FDX1: variants seen among roughly 807,000 people sequenced by gnomAD.
The protein encoded by FDX1 is adrenodoxin, mitochondrial.
In FDX1, 9 loss-of-function variants were observed where a neutral mutation model predicts 14.9. The ratio of observed to expected loss-of-function variants is 0.60; its 90% CI spans 0.36 to 1.05. FDX1 has a LOEUF of 1.05. Among genes scored for constraint, FDX1 ranks in the 50% least tolerant of loss-of-function variants. The probability of loss-of-function intolerance (pLI) is 0.01; values close to 1 mark genes in which losing one functional copy is unlikely to be tolerated. For synonymous variants in FDX1, 92 were observed against 99.4 expected, an observed-to-expected ratio of 0.93 and a Z score of 0.44; for missense variants, 204 against 237.2, an observed-to-expected ratio of 0.86 and a Z score of 0.92.
intron 2 of FDX1, among the ~76,000 whole-genome samples, chr11:110,455,207 A>G (rs1389632803): frequency 1.3e-5 from 2 of 151,886 alleles, no homozygotes; most frequent in Non-Finnish European, 2.9e-5. Context: ...GGGTTTCACT[A>G]CGTTAGCCAG....
intron 2 of FDX1, among the ~76,000 whole-genome samples, chr11:110,438,408 G>C (rs1406219464): frequency 1.3e-5 from 2 of 151,964 alleles, no homozygotes; most frequent in Non-Finnish European, 2.9e-5. Flanking sequence ...TTGACCACTT[G>C]TATGTCTTCT....
intron 2 of FDX1, among the ~76,000 whole-genome samples, chr11:110,453,459 G>A (rs1351609145): frequency 6.7e-6 from 1 of 148,318 alleles, no homozygotes; most frequent in East Asian, 1.9e-4. Context: ...AAAGAAAACA[G>A]AAAAGGAGTA....
intron 1 of FDX1, among the ~76,000 whole-genome samples, chr11:110,431,543 G>T (rs1255726985): frequency 1.3e-5 from 2 of 152,174 alleles, no homozygotes; most frequent in Non-Finnish European, 2.9e-5. Context: ...CAGGGAGAAG[G>T]CAAGCCAGAT....
chr11:110,445,262 CATAA>C (rs961444987), intron 2 of FDX1, among the ~76,000 whole-genome samples: 10 of 152,220 alleles, frequency 6.6e-5, no homozygotes, highest in Non-Finnish European at 1.2e-4. Flanking sequence ...ATGCTTTTTG[CATAA>C]ATAATTTGTG....
At chr11:110,437,365 A>G (rs1210078265) in intron 2 of FDX1, among the ~76,000 whole-genome samples, 3 of 152,192 alleles carry the variant, frequency 2.0e-5, no homozygotes, top group Non-Finnish European at 4.4e-5. Flanking sequence ...AGTGTATACT[A>G]TATTCTAGCA....
At chr11:110,430,579 T>A (rs756444105) in intron 1 of FDX1, among the ~76,000 whole-genome samples, 72 of 152,320 alleles carry the variant, frequency 4.7e-4, no homozygotes, top group Non-Finnish European at 8.2e-4. Flanking sequence ...CAGCTCCCTT[T>A]CCCAGCGCTT....
intron 1 of FDX1, among the ~76,000 whole-genome samples, chr11:110,434,382 G>C (rs1050800946): frequency 1.4e-5 from 2 of 143,586 alleles, no homozygotes; most frequent in Admixed American, 1.5e-4. Context: ...TGCCACCCGG[G>C]CTGGAGTGCA....
Position 110,430,022 on chromosome 11 carries a change from CG to C in FDX1, c.-96del. 5 of 879,670 alleles carry C rather than the reference CG, an allele frequency of 5.7e-6. No homozygotes were observed. The highest frequency in any genetic ancestry group is 7.4e-6 in the Non-Finnish European group (5 of 677,948). The allele number at this position is 879,670 out of a possible 1,614,324, so 54.5% of individuals were successfully genotyped here. ...GCCCCGCGCCCCTCGCCGCGGCCCT[CG>C]GGCGTCTGCGCCGCAGCTGCCGCCC... On this transcript the variant is annotated 5_prime_UTR_variant, in exon 1 of 4. Coordinates refer to ENST00000260270, the MANE Select transcript of FDX1 (RefSeq NM_004109.5).
intron 3 of FDX1, among the ~76,000 whole-genome samples, chr11:110,459,070 A>G (rs1027556843): frequency 2.0e-5 from 3 of 152,168 alleles, no homozygotes; most frequent in African/African-American, 7.2e-5. Context: ...GATTCACAGT[A>G]GAGGTCACCA....
chr11:110,440,104 G>A (rs548811187), intron 2 of FDX1, among the ~76,000 whole-genome samples: 1 of 152,096 alleles, frequency 6.6e-6, no homozygotes, highest in Non-Finnish European at 1.5e-5. Flanking sequence ...TATCTTTATG[G>A]GATTGGTTGT....
chr11:110,434,460 C>T (rs905859728), intron 1 of FDX1, among the ~76,000 whole-genome samples: 1 of 151,676 alleles, frequency 6.6e-6, no homozygotes, highest in Non-Finnish European at 1.5e-5. Flanking sequence ...CCTCAGCCTC[C>T]CGAGTAGCTG....
chr11:110,439,710 T>C (rs918434393), intron 2 of FDX1, among the ~76,000 whole-genome samples: 1 of 152,234 alleles, frequency 6.6e-6, no homozygotes, highest in African/African-American at 2.4e-5. Flanking sequence ...TTGTTTTTGT[T>C]GCAATTGATT....
intron 2 of FDX1, among the ~76,000 whole-genome samples, chr11:110,443,786 A>G (rs1290197326): frequency 1.3e-5 from 2 of 151,770 alleles, no homozygotes; most frequent in East Asian, 1.9e-4. Flanking sequence ...ATGGTATCTC[A>G]TTGTGGTTTT....
At chr11:110,461,252 T>C (rs1946554435) in intron 3 of FDX1, among the ~76,000 whole-genome samples, 1 of 151,944 alleles carries the variant, frequency 6.6e-6, no homozygotes, top group Non-Finnish European at 1.5e-5. Context: ...TCCCAACACT[T>C]TGGGAGGCTG....
intron 2 of FDX1, among the ~76,000 whole-genome samples, chr11:110,440,463 TTTTA>T (rs1946398337): frequency 1.3e-5 from 2 of 152,230 alleles, no homozygotes; most frequent in Non-Finnish European, 1.5e-5. Context: ...GTGTCTCTGC[TTTTA>T]TTTATTTCAA....
intron 1 of FDX1, among the ~76,000 whole-genome samples, chr11:110,434,613 G>A (rs561783821): frequency 2.6e-5 from 4 of 151,852 alleles, no homozygotes; most frequent in Admixed American, 6.6e-5. Context: ...AATTACAGGC[G>A]TGAGTCACCA....
chr11:110,457,716 A>G (rs1412671323), intron 3 of FDX1, among the ~76,000 whole-genome samples: 1 of 150,916 alleles, frequency 6.6e-6, no homozygotes, highest in Non-Finnish European at 1.5e-5. Flanking sequence ...TAGTTTGGTG[A>G]CCTTAATGAC....
At chr11:110,452,761 C>T (rs1390076609) in intron 2 of FDX1, among the ~76,000 whole-genome samples, 1 of 152,122 alleles carries the variant, frequency 6.6e-6, no homozygotes, top group Admixed American at 6.5e-5. Flanking sequence ...TGAAAGGGAG[C>T]AAACTATAGA....
intron 2 of FDX1, among the ~76,000 whole-genome samples, chr11:110,448,156 C>T (rs1946463732): frequency 6.6e-6 from 1 of 152,156 alleles, no homozygotes; most frequent in Non-Finnish European, 1.5e-5. Context: ...ACCTAGTTTA[C>T]TCTCAAGACA....
Sources: allele counts gnomAD v4.1 joint callset (sites outside exome capture counted in the v4.1 genomes callset), GRCh38; gene constraint gnomAD v4.1.1; transcripts MANE v1.5; gene names NCBI Gene and HGNC (gene_info 2026-07-23, HGNC 2026-07-21).